Variants in ZNF644 observed in about 807,000 individuals in gnomAD.
ZNF644 encodes zinc finger protein 644, also known as zinc finger motif enhancer binding protein 2.
Under a neutral mutation model 108.0 loss-of-function variants are expected in ZNF644, and 20 were observed. That is an observed-to-expected ratio of 0.19 (90% CI 0.13 to 0.27). ZNF644 has a LOEUF of 0.27. Ranked by LOEUF, ZNF644 falls within the 10% of genes least tolerant of loss-of-function variation. The pLI is 1.00. For missense variants in ZNF644, 1,338 were observed against 1,548.9 expected (o/e 0.86, Z 2.29); for synonymous variants, 542 against 539.1 (o/e 1.01, Z -0.08).
At chr1:91,021,917 C>T (rs1660976531) in intron 1 of ZNF644, 73 bp downstream of exon 1, 3 of 399,202 alleles carry the variant, frequency 7.5e-6, no homozygotes, top group Admixed American at 4.4e-5. Context: ...TCAGTCCCGC[C>T]GCTGCCACAG....
chr1:90,969,573 C>T (rs1210073214), intron 2 of ZNF644, among the ~76,000 whole-genome samples: 1 of 152,160 alleles, frequency 6.6e-6, no homozygotes. Flanking sequence ...CTGCTCCATC[C>T]TACCCAGGTT....
At position 90,979,269 on chromosome 1, in the gene ZNF644, C is replaced by T. The variant is rs1001856886; in HGVS notation, c.44+3041G>A. On this transcript the variant is annotated intron_variant, in intron 2 of 5. Coordinates refer to ENST00000337393, the MANE Select transcript of ZNF644 (RefSeq NM_201269.3). ...GGTGGGTCACCTGAGGTCAGGAGTTCGAGACTAGCCTGACGAACATAGTGA... is the reference window on the plus strand; with the variant it reads ...GGTGGGTCACCTGAGGTCAGGAGTTTGAGACTAGCCTGACGAACATAGTGA... 3.9e-4 allele frequency among the ~76,000 whole-genome samples: 59 copies of T among 152,170 alleles called. 1 individual carries two copies. The highest frequency in any genetic ancestry group is 3.3e-3 in the Admixed American group (50 of 15,282).
intron 1 of ZNF644, among the ~76,000 whole-genome samples, chr1:90,985,592 A>G (rs533103627): frequency 6.6e-6 from 1 of 152,296 alleles, no homozygotes; most frequent in East Asian, 1.9e-4. Flanking sequence ...TTCACTTAGC[A>G]TAATGTCCTC....
intron 2 of ZNF644, among the ~76,000 whole-genome samples, chr1:90,952,739 A>T (rs1460150848): frequency 1.3e-5 from 2 of 152,170 alleles, no homozygotes; most frequent in African/African-American, 2.4e-5. Flanking sequence ...TCACACATAC[A>T]TTCCAACATC....
At chr1:90,923,466 C>G (rs1359620143) in intron 4 of ZNF644, among the ~76,000 whole-genome samples, 1 of 152,142 alleles carries the variant, frequency 6.6e-6, no homozygotes, top group African/African-American at 2.4e-5. Context: ...TATACCACTT[C>G]ATTATTCCCA....
chr1:90,992,895 T>G (rs763997784), intron 1 of ZNF644, among the ~76,000 whole-genome samples: 21 of 151,946 alleles, frequency 1.4e-4, no homozygotes, highest in Non-Finnish European at 2.8e-4. Flanking sequence ...AATACAAAAA[T>G]TAGCCAGGTG....
Position 90,938,630 on chromosome 1 carries a change from A to G in ZNF644, c.2724T>C (p.Leu908=), listed in dbSNP as rs925461326. 6.2e-7 allele frequency: 1 copy of G among 1,610,836 alleles called. No homozygotes were observed. Among genetic ancestry groups the G allele is most frequent in the Non-Finnish European group, 8.5e-7 (1 of 1,178,766 alleles). ...AAAAGCCATCGTTTTGGTCATAACT[A>G]AGAGTAGCATTTTCTCCAGGCTCCT... ...EGQEPGENAT[L]SYDQNDGFYF... is the part of the protein sequence containing the mutation. The change falls in exon 3 of 6, where the codon CTT becomes CTC. Residue 908 remains leucine, a synonymous_variant. Transcript: ENST00000337393. This position sits in a 1 kb window ranked among gnomAD's most constrained non-coding sequence, Gnocchi z 4.2.
At chr1:91,013,459 A>T (rs201476841) in intron 1 of ZNF644, among the ~76,000 whole-genome samples, 46,841 of 147,404 alleles carry the variant, frequency 0.32, 8,873 homozygotes, top group Non-Finnish European at 0.43. Flanking sequence ...TCTCACACAC[A>T]CACACACACA....
chr1:90,973,610 T>C (rs1655714526), intron 2 of ZNF644, among the ~76,000 whole-genome samples: 1 of 152,166 alleles, frequency 6.6e-6, no homozygotes, highest in Non-Finnish European at 1.5e-5. Context: ...ACAAAAAATA[T>C]CTGTGTTAAG....
intron 1 of ZNF644, among the ~76,000 whole-genome samples, chr1:90,989,032 A>G (rs1340797482): frequency 6.6e-6 from 1 of 152,198 alleles, no homozygotes; most frequent in Non-Finnish European, 1.5e-5. Context: ...AATTACATTA[A>G]AAGTTAAAAA....
At chr1:90,957,959 G>A (rs1179895309) in intron 2 of ZNF644, among the ~76,000 whole-genome samples, 2 of 152,094 alleles carry the variant, frequency 1.3e-5, no homozygotes, top group Non-Finnish European at 2.9e-5. Flanking sequence ...AAAATCAGTT[G>A]TGCTTCTATA....
At position 90,916,089 on chromosome 1, in the gene ZNF644, G is replaced by C. The variant is rs1183847765; in HGVS notation, c.*709C>G. ...TGACAAAGTAGGAGGTAGCATGGAT[G>C]CACCACTTTATTGTCTGAGAAATGC... is the stretch of plus-strand genomic sequence containing the variant. On this transcript the variant is annotated 3_prime_UTR_variant, in exon 6 of 6. Transcript: ENST00000337393. The C allele has an allele frequency of 6.6e-6, 1 of 152,520 alleles. No individual in the cohort carries two copies. The highest frequency in any genetic ancestry group is 1.9e-4 in the East Asian group (1 of 5,192). The allele number at this position is 152,520 out of a possible 1,614,324, so 9.4% of individuals were successfully genotyped here.
chr1:90,942,699 G>A (rs1373535275), intron 2 of ZNF644, among the ~76,000 whole-genome samples: 1 of 152,198 alleles, frequency 6.6e-6, no homozygotes, highest in Non-Finnish European at 1.5e-5. Context: ...ATCAGGTTCT[G>A]ATTTATTAAC....
At chr1:90,927,280 T>C (rs1008826084) in intron 4 of ZNF644, among the ~76,000 whole-genome samples, 7 of 152,232 alleles carry the variant, frequency 4.6e-5, no homozygotes, top group African/African-American at 1.4e-4. Flanking sequence ...TCTACTGTAT[T>C]GTAAGATCCA....
At chr1:90,945,116 G>A (rs759327882) in intron 2 of ZNF644, among the ~76,000 whole-genome samples, 14 of 151,968 alleles carry the variant, frequency 9.2e-5, no homozygotes, top group Admixed American at 3.3e-4. Context: ...TAACAAAGTA[G>A]GAACGTATTT....
intron 5 of ZNF644, among the ~76,000 whole-genome samples, chr1:90,917,400 G>C (rs962584008): frequency 1.3e-5 from 2 of 152,150 alleles, no homozygotes; most frequent in African/African-American, 4.8e-5. Flanking sequence ...TATGAGGGGA[G>C]AGAAAATGTG....
At chr1:90,965,737 C>A (rs1374194457) in intron 2 of ZNF644, among the ~76,000 whole-genome samples, 2 of 151,930 alleles carry the variant, frequency 1.3e-5, no homozygotes, top group African/African-American at 4.8e-5. Context: ...TGTCCTAGAC[C>A]CCATCTCCCA....
In ZNF644 at chr1:90,916,843, A is replaced by T. The variant is rs140236499; in HGVS notation, c.3939T>A (p.Ile1313=). 4.0e-4 allele frequency: 647 copies of T among 1,614,186 alleles called. No individual in the cohort carries two copies. In the African/African-American group the frequency reaches 7.7e-3, roughly 19 times the overall value. ...TTAGTAGAGAAAATGAAGTTTCTGT[A>T]ATGGAGGCAGGCTTTTTAAGTAGTG... The part of the protein sequence containing the change: ...VTSLLKKPAS[I]TETSFSLLMA... The change falls in exon 6 of 6, where the codon ATT becomes ATA. Residue 1313 remains isoleucine, a synonymous_variant. Transcript: ENST00000337393.
chr1:90,916,526 T>C lies in ZNF644; in HGVS notation c.*272A>G, dbSNP rs1412935041. On this transcript the variant is annotated 3_prime_UTR_variant, in exon 6 of 6. Transcript: ENST00000337393. ...TAAGTATCCATGTGCAACAGTTTAT[T>C]AATGGCTGCTTACATGTACTGCTCT... 2.2e-6 allele frequency: 1 copy of C among 446,796 alleles called. No individual in the cohort carries two copies. Among genetic ancestry groups the C allele is most frequent in the Non-Finnish European group, 4.1e-6 (1 of 245,532 alleles). 27.7% of individuals were successfully genotyped at this position (446,796 alleles called of 1,614,324 possible).
Sources: gnomAD v4.1 joint callset for allele counts (sites outside exome capture counted in the v4.1 genomes callset) on GRCh38, gnomAD v4.1.1 for gene constraint, Gnocchi (gnomAD v3.1) non-coding constraint, MANE v1.5 for transcripts, NCBI Gene and HGNC (gene_info 2026-07-23, HGNC 2026-07-21) for gene names.